Variants in DNPEP observed in about 807,000 individuals in gnomAD.
DNPEP encodes the protein aspartyl aminopeptidase.
DNPEP carries 46 observed loss-of-function variants against 59.1 expected under a neutral mutation model. The observed-to-expected ratio is 0.78, with a 90% CI of 0.61 to 0.99. The LOEUF is 0.99. Among genes scored for constraint, DNPEP ranks in the 50% least tolerant of loss-of-function variants. DNPEP has a pLI of 0.00. For missense variants in DNPEP, 617 were observed against 649.9 expected, an observed-to-expected ratio of 0.95 and a Z score of 0.55; for synonymous variants, 229 against 242.2, an observed-to-expected ratio of 0.95 and a Z score of 0.50.
chr2:219,387,450 G>A lies in DNPEP; in HGVS notation c.37-287C>T, dbSNP rs1251870351. 4 of 1,427,898 alleles carry A rather than the reference G, an allele frequency of 2.8e-6. No homozygotes were observed. The African/African-American group carries it at 4.3e-5, about 16-fold the overall frequency. 88.5% of individuals were successfully genotyped at this position (1,427,898 alleles called of 1,614,324 possible). A position where few individuals can be genotyped will look rare whatever the true frequency, so the allele number is the denominator to read the frequency against. Reference sequence around the variant, plus strand: ...CTGCCCAGCTAGGAAATCCTGTTCTGCTCCCAAACTCCGGGATCCCAAGCG... The same window carrying A: ...CTGCCCAGCTAGGAAATCCTGTTCTACTCCCAAACTCCGGGATCCCAAGCG... On this transcript the variant is annotated intron_variant, in intron 1 of 14. Transcript: ENST00000273075.
rs537268505 is a variant in DNPEP, at chr2:219,374,711, G to A, written c.1407+144C>T. 40 of 1,018,298 alleles carry A rather than the reference G, an allele frequency of 3.9e-5. No individual in the cohort carries two copies. The African/African-American group carries it at 6.1e-4, about 16-fold the overall frequency. 63.1% of individuals were successfully genotyped at this position (1,018,298 alleles called of 1,614,324 possible). On this transcript the variant is annotated intron_variant, in intron 14 of 14. Coordinates refer to ENST00000273075, the MANE Select transcript of DNPEP (RefSeq NM_012100.4). Reference sequence around the variant, plus strand: ...GCCACTGTGGTTGGCCAGGACCCTTGTTTTCCTACATGGCCCCAGCATGAC... The same window carrying A: ...GCCACTGTGGTTGGCCAGGACCCTTATTTTCCTACATGGCCCCAGCATGAC...
intron 13 of DNPEP, among the ~76,000 whole-genome samples, chr2:219,378,880 T>C (rs189950610): frequency 8.5e-5 from 13 of 152,164 alleles, no homozygotes; most frequent in African/African-American, 3.1e-4. Flanking sequence ...TAAATGACTA[T>C]GTTATGGTTT....
Position 219,386,938 on chromosome 2 carries a change from C to T in DNPEP, c.173G>A (p.Ser58Asn). ...CCATTTCTCAGTCTCCTTGAGTTCA[C>T]TGAAGCCAGCCTGGAGAAGGCGGTT... is the stretch of plus-strand genomic sequence containing the variant. ...CRNRLLQAGF[S>N]ELKETEKWNI... is the part of the protein sequence containing the mutation. The change falls in exon 3 of 15, where the codon AGT (serine) becomes AAT (asparagine). Residue 58 changes from serine to asparagine, a missense_variant. Coordinates refer to ENST00000273075, the MANE Select transcript of DNPEP (RefSeq NM_012100.4). The T allele has an allele frequency of 1.9e-6, 3 of 1,612,616 alleles. No individual in the cohort carries two copies. The highest frequency in any genetic ancestry group is 1.1e-5 in the South Asian group (1 of 91,060).
intron 1 of DNPEP, among the ~76,000 whole-genome samples, chr2:219,395,026 G>T (rs553629559): frequency 6.6e-5 from 10 of 152,142 alleles, no homozygotes; most frequent in Admixed American, 4.6e-4. Context: ...TGCGATCTCG[G>T]TTCACTGCAA....
chr2:219,388,811 T>C, upstream of DNPEP: 1 of 985,432 alleles, frequency 1.0e-6, no homozygotes, highest in African/African-American at 1.7e-5. Context: ...GCTTTAGCTT[T>C]ATGATAAAGA....
Position 219,373,444 on chromosome 2 carries a change from A to G in DNPEP, c.*848T>C, listed in dbSNP as rs900821325. ...GCTCCATCTCAGCTCACTGCAACCT[A>G]CGCCTCCTTGGTTCAAGCTATTCTC... On this transcript the variant is annotated 3_prime_UTR_variant, in exon 15 of 15. Transcript: ENST00000273075. 3 of 151,092 alleles carry G rather than the reference A, an allele frequency of 2.0e-5. No individual in the cohort carries two copies. Among genetic ancestry groups the G allele is most frequent in the African/African-American group, 7.3e-5 (3 of 40,974 alleles). 9.4% of individuals were successfully genotyped at this position (151,092 alleles called of 1,614,324 possible).
intron 4 of DNPEP, 78 bp downstream of exon 4, chr2:219,386,586 GT>G: frequency 6.8e-7 from 1 of 1,471,722 alleles, no homozygotes; most frequent in East Asian, 2.3e-5. Context: ...AGAGGCCCCA[GT>G]TTGTACCTCC....
chr2:219,380,390 T>G (rs1297329045), intron 13 of DNPEP, among the ~76,000 whole-genome samples: 1 of 151,738 alleles, frequency 6.6e-6, no homozygotes, highest in African/African-American at 2.4e-5. Context: ...CCTGCCTAAT[T>G]TTTGTATTTT....
At chr2:219,382,177 T>C in intron 10 of DNPEP, 38 bp from the exon 11 acceptor site, 1 of 1,591,122 alleles carries the variant, frequency 6.3e-7, no homozygotes. Flanking sequence ...GAATCTGGGC[T>C]TAGGGGCCTG....
intron 1 of DNPEP, chr2:219,399,432 C>T (rs1488298666): frequency 1.1e-5 from 5 of 458,834 alleles, no homozygotes; most frequent in Non-Finnish European, 2.2e-5. Flanking sequence ...GATTCATGAG[C>T]CCCATACCTG....
rs1160069370 is a variant in DNPEP at position 219,374,994 on chromosome 2, C to A, written c.1268G>T (p.Cys423Phe). Residue 423 changes from cysteine to phenylalanine, a missense_variant, in exon 14 of 15, where the codon TGT becomes TTT. Cys to Phe is a radical substitution (Grantham distance 205, BLOSUM62 -2). Transcript: ENST00000273075. ...CAAGATAGGTCCAATGGTGGTTCCA[C>A]AGGGGGTGTCATTCCGGACCATGAG... ...QDLMVRNDTP[C>F]GTTIGPILAS... 1 of 1,614,110 alleles carries A rather than the reference C, an allele frequency of 6.2e-7. No homozygotes were observed. Among genetic ancestry groups the A allele is most frequent in the South Asian group, 1.1e-5 (1 of 91,082 alleles).
At chr2:219,376,087 T>G (rs112349157) in intron 13 of DNPEP, among the ~76,000 whole-genome samples, 3 of 152,178 alleles carry the variant, frequency 2.0e-5, no homozygotes, top group African/African-American at 4.8e-5. Flanking sequence ...ACAGGAGTTA[T>G]GCTGAAGGGG....
intron 1 of DNPEP, chr2:219,387,532 G>T: frequency 6.9e-7 from 1 of 1,449,850 alleles, no homozygotes; most frequent in Non-Finnish European, 9.1e-7. Context: ...CGGAGCCAAA[G>T]CCCTGTACCC....
At chr2:219,376,273 A>C (rs1484317616) in intron 13 of DNPEP, among the ~76,000 whole-genome samples, 1 of 152,136 alleles carries the variant, frequency 6.6e-6, no homozygotes, top group East Asian at 1.9e-4. Context: ...AGATCACATG[A>C]TTCCAGGAGT....
chr2:219,399,962 C>T, exon 1 of DNPEP: 1 of 1,517,182 alleles, frequency 6.6e-7, no homozygotes, highest in Non-Finnish European at 8.9e-7. Context: ...CTGGAGTGGA[C>T]AGGCCTGAAC....
chr2:219,396,930 A>C (rs532381121), intron 1 of DNPEP, among the ~76,000 whole-genome samples: 1 of 152,206 alleles, frequency 6.6e-6, no homozygotes, highest in Non-Finnish European at 1.5e-5. Context: ...CCCTCAAAGG[A>C]AAACCAACTG....
intron 1 of DNPEP, among the ~76,000 whole-genome samples, chr2:219,397,901 T>TTTTTTAA (rs1954125349): frequency 2.0e-5 from 3 of 152,174 alleles, no homozygotes. Flanking sequence ...CTTTTCTTTT[T>TTTTTTAA]TTTTTAATTT....
chr2:219,399,470 G>A, intron 1 of DNPEP: 1 of 463,430 alleles, frequency 2.2e-6, no homozygotes, highest in Non-Finnish European at 4.3e-6. Flanking sequence ...GATTTGGGCT[G>A]AGGCCCAGGG....
intron 10 of DNPEP, among the ~76,000 whole-genome samples, chr2:219,382,754 C>T (rs530572360): frequency 6.6e-6 from 1 of 152,296 alleles, no homozygotes; most frequent in East Asian, 1.9e-4. Flanking sequence ...CTAACTCTGA[C>T]CTGGGTTGTT....
Sources: allele counts gnomAD v4.1 joint callset (sites outside exome capture counted in the v4.1 genomes callset), GRCh38; gene constraint gnomAD v4.1.1; transcripts MANE v1.5; gene names NCBI Gene and HGNC (gene_info 2026-07-23, HGNC 2026-07-21).